Variants in NCAPD2 observed in about 807,000 individuals in gnomAD.
NCAPD2 encodes non-SMC condensin I complex subunit D2, also known as condensin complex subunit 1.
NCAPD2 carries 100 observed loss-of-function variants against 164.5 expected under a neutral mutation model. The ratio of observed to expected loss-of-function variants is 0.61; its 90% CI spans 0.52 to 0.72. NCAPD2 has a LOEUF of 0.72. Among genes scored for constraint, NCAPD2 ranks in the 30% least tolerant of loss-of-function variants. The pLI is 0.00. For synonymous variants in NCAPD2, 585 were observed against 642.6 expected, an observed-to-expected ratio of 0.91 and a Z score of 1.36; for missense variants, 1,560 against 1,749.2, an observed-to-expected ratio of 0.89 and a Z score of 1.93.
At chr12:6,521,696 A>C in intron 14 of NCAPD2, 102 bp from the exon 15 acceptor site, 1 of 1,426,664 alleles carries the variant, frequency 7.0e-7, no homozygotes. Context: ...AAAAGAAAAG[A>C]AGAAGGAAAA....
intron 2 of NCAPD2, among the ~76,000 whole-genome samples, chr12:6,499,914 G>A (rs971410591): frequency 4.6e-5 from 7 of 151,802 alleles, no homozygotes; most frequent in Non-Finnish European, 1.0e-4. Flanking sequence ...CAAGCTCAGG[G>A]GTTTGAGACC....
At chr12:6,529,694 G>A (rs756421688) in intron 28 of NCAPD2, 81 bp from the exon 29 acceptor site, 2 of 1,601,666 alleles carry the variant, frequency 1.2e-6, no homozygotes, top group Non-Finnish European at 1.7e-6. Context: ...GGCATCCCTG[G>A]GACTGGGGAG....
At chr12:6,518,523 T>TTTTTTTTG (rs1565544201) in intron 13 of NCAPD2, among the ~76,000 whole-genome samples, 1 of 120,684 alleles carries the variant, frequency 8.3e-6, no homozygotes, top group Admixed American at 8.7e-5. Flanking sequence ...TTTTTTTTTT[T>TTTTTTTTG]TTTTTTTTTT....
Position 6,514,507 on chromosome 12 carries a change from C to T in NCAPD2, c.759C>T (p.His253=), listed in dbSNP as rs200487561. The part of the protein sequence containing the change: ...KIIQMLQHFE[H]LAPVLVAAVS... ...TCCAGATGCTGCAGCACTTTGAACA[C>T]CTGGCACCTGTACTGGTTGCAGCCG... Residue 253 remains histidine, a synonymous_variant, in exon 8 of 32, where the codon CAC becomes CAT. Transcript: ENST00000315579. The T allele has an allele frequency of 5.6e-5, 90 of 1,614,210 alleles. No individual in the cohort carries two copies. The East Asian group carries it at 1.8e-3, about 33-fold the overall frequency.
At chr12:6,521,697 A>G in intron 14 of NCAPD2, 101 bp from the exon 15 acceptor site, 1 of 1,432,840 alleles carries the variant, frequency 7.0e-7, no homozygotes, top group South Asian at 1.4e-5. Context: ...AAAGAAAAGA[A>G]GAAGGAAAAT....
intron 2 of NCAPD2, among the ~76,000 whole-genome samples, chr12:6,502,612 G>A (rs1159292943): frequency 3.9e-5 from 6 of 152,016 alleles, no homozygotes; most frequent in South Asian, 2.1e-4. Context: ...AGTGGAATAA[G>A]TTACAAGTAT....
At position 6,526,513 on chromosome 12, in the gene NCAPD2, C is replaced by T. The variant is rs761230565; in HGVS notation, c.2632C>T (p.Leu878=). 1 of 1,614,186 alleles carries T rather than the reference C, an allele frequency of 6.2e-7. No homozygotes were observed. Among genetic ancestry groups the T allele is most frequent in the East Asian group, 2.2e-5 (1 of 44,880 alleles). Residue 878 remains leucine (L), a synonymous_variant, in exon 21 of 32, where the codon CTG becomes TTG. Transcript: ENST00000315579. ...GGTGGCAGTGACCCTCATTTACCAA[C>T]TGGCAGAGGGCCCCGAAGTGATCTG... ...KEVAVTLIYQ[L]AEGPEVICAQ...
intron 10 of NCAPD2, 62 bp downstream of exon 10, chr12:6,517,087 A>C: frequency 6.4e-7 from 1 of 1,559,146 alleles, no homozygotes; most frequent in Non-Finnish European, 8.8e-7. Context: ...GTAAAGAGGA[A>C]TCCAGTGTTG....
chr12:6,514,205 G>A (rs1264261412), intron 6 of NCAPD2, 60 bp from the exon 7 acceptor site: 5 of 1,603,636 alleles, frequency 3.1e-6, no homozygotes, highest in Non-Finnish European at 4.3e-6. Context: ...ATGAGGCAGG[G>A]CTCTGATACA....
intron 16 of NCAPD2, 90 bp from the exon 17 acceptor site, chr12:6,523,172 G>T: frequency 6.8e-7 from 1 of 1,477,522 alleles, no homozygotes; most frequent in Non-Finnish European, 9.4e-7. Context: ...GAGCAGTTTT[G>T]TAGCACTGTG....
chr12:6,509,120 C>G (rs1946122997), intron 2 of NCAPD2, among the ~76,000 whole-genome samples: 1 of 151,024 alleles, frequency 6.6e-6, no homozygotes, highest in Admixed American at 6.6e-5. Flanking sequence ...TCCCTCCTAA[C>G]TACTGTAAGT....
chr12:6,510,297 C>G, intron 4 of NCAPD2, 164 bp downstream of exon 4: 3 of 849,094 alleles, frequency 3.5e-6, no homozygotes, highest in Non-Finnish European at 6.1e-6. Context: ...TGTTAAAGGT[C>G]TGTAATCTTG....
In NCAPD2 at chr12:6,522,832, G is replaced by A. The variant is rs746924702; in HGVS notation, c.1959G>A (p.Val653=). The part of the protein sequence containing the change: ...KMMYENTTTV[V]QEVIEFFVMV... ...CATTTGTACATGTTCTCTCAGTGGT[G>A]CAGGAGGTGATTGAATTCTTTGTGA... The change falls in exon 16 of 32, where the codon GTG becomes GTA. Residue 653 remains valine, a synonymous_variant. Coordinates refer to ENST00000315579, the MANE Select transcript of NCAPD2 (RefSeq NM_014865.4). The A allele has an allele frequency of 1.9e-6, 3 of 1,614,066 alleles. No individual in the cohort carries two copies. The highest frequency in any genetic ancestry group is 1.3e-5 in the African/African-American group (1 of 75,046).
At chr12:6,504,214 T>TATATATACAC (rs1565539606) in intron 2 of NCAPD2, among the ~76,000 whole-genome samples, 39 of 21,136 alleles carry the variant, frequency 1.8e-3, no homozygotes, top group African/African-American at 2.4e-3. Context: ...TATATATATA[T>TATATATACAC]ATAGATATAG....
chr12:6,522,013 A>G lies in NCAPD2; in HGVS notation c.1930A>G (p.Met644Val), dbSNP rs2137056078. 2 of 1,614,170 alleles carry G rather than the reference A, an allele frequency of 1.2e-6. No individual in the cohort carries two copies. The highest frequency in any genetic ancestry group is 1.7e-6 in the Non-Finnish European group (2 of 1,179,996). Residue 644 changes from methionine to valine, a missense_variant, in exon 15 of 32, where the codon ATG becomes GTG. Transcript: ENST00000315579. ...AGAGGCCATTGGCATCATCAGCAAG[A>G]TGATGTATGAAAACACAACTACAGG... ...ITEAIGIISKMMYENTTTVVQ... is the reference protein window; with the variant it reads ...ITEAIGIISKVMYENTTTVVQ...
intron 2 of NCAPD2, among the ~76,000 whole-genome samples, chr12:6,498,029 C>T (rs937036851): frequency 7.9e-5 from 12 of 151,992 alleles, no homozygotes; most frequent in African/African-American, 2.4e-4. Context: ...TCGGGCTCAG[C>T]CGCCCGAGTA....
At position 6,510,114 on chromosome 12, in the gene NCAPD2, T is replaced by C. The variant is rs192059221; in HGVS notation, c.243T>C (p.Thr81=). Residue 81 remains threonine (T), a synonymous_variant, in exon 4 of 32, where the codon ACT becomes ACC. Coordinates refer to ENST00000315579, the MANE Select transcript of NCAPD2 (RefSeq NM_014865.4). The part of the protein sequence containing the change: ...RSIDPGLKED[T]LQFLIKVVSR... ...TAGATCCTGGCCTCAAAGAAGATAC[T>C]CTGCAATTCCTGATAAAAGGTGTTT... 4.7e-4 allele frequency: 752 copies of C among 1,612,106 alleles called. 4 individuals are homozygous for C. The East Asian group carries it at 0.016, about 34-fold the overall frequency.
At chr12:6,513,212 GA>G (rs1342038503) in intron 6 of NCAPD2, among the ~76,000 whole-genome samples, 24 of 152,254 alleles carry the variant, frequency 1.6e-4, no homozygotes, top group African/African-American at 5.8e-4. Context: ...AAAAGAGCAG[GA>G]ATCCAAGGAC....
At chr12:6,526,815 C>T in intron 21 of NCAPD2, 76 bp from the exon 22 acceptor site, 1 of 1,507,494 alleles carries the variant, frequency 6.6e-7, no homozygotes, top group Non-Finnish European at 9.0e-7. Context: ...AGGGGAAGAT[C>T]AGTAAAAATC....
Sources: allele counts gnomAD v4.1 joint callset (sites outside exome capture counted in the v4.1 genomes callset), GRCh38; gene constraint gnomAD v4.1.1; transcripts MANE v1.5; gene names NCBI Gene and HGNC (gene_info 2026-07-23, HGNC 2026-07-21).